The following CREB5 variants were observed in gnomAD, a reference collection of about 807,000 sequenced individuals.
CREB5 encodes the protein cyclic AMP-responsive element-binding protein 5.
CREB5 carries 19 observed loss-of-function variants against 57.1 expected under a neutral mutation model. The observed-to-expected ratio is 0.33, with a 90% confidence interval of 0.23 to 0.49. The LOEUF (loss-of-function observed/expected upper bound fraction) is 0.49. CREB5 is among the 20% of genes least tolerant of loss of function. The pLI, the probability that CREB5 is intolerant of heterozygous loss-of-function variation, is 0.99. For missense variants in CREB5, 579 were observed against 671.6 expected (o/e 0.86, Z 1.52); for synonymous variants, 238 against 238.3 (o/e 1.00, Z 0.01).
At chr7:28,638,621 G>C (rs1798522157) in intron 5 of CREB5, among the ~76,000 whole-genome samples, 1 of 152,040 alleles carries the variant, frequency 6.6e-6, no homozygotes, top group Non-Finnish European at 1.5e-5. Flanking sequence ...TACTAGGACT[G>C]CAGGTGTGTG....
intron 5 of CREB5, among the ~76,000 whole-genome samples, chr7:28,683,494 G>A (rs1055230387): frequency 1.2e-4 from 18 of 152,158 alleles, no homozygotes; most frequent in African/African-American, 2.4e-4. Flanking sequence ...GTTCTGGCAC[G>A]TTGGTGGCTT....
chr7:28,563,548 C>T (rs565099003), intron 4 of CREB5, among the ~76,000 whole-genome samples: 40 of 152,212 alleles, frequency 2.6e-4, no homozygotes, highest in South Asian at 8.3e-4. Flanking sequence ...AACTGCGAGA[C>T]AGGGTCTCAC....
At chr7:28,778,726 A>G (rs1806801804) in intron 7 of CREB5, among the ~76,000 whole-genome samples, 1 of 152,230 alleles carries the variant, frequency 6.6e-6, no homozygotes, top group African/African-American at 2.4e-5. Context: ...ATTATAATTA[A>G]TTAATAGGAT....
intron 1 of CREB5, among the ~76,000 whole-genome samples, chr7:28,478,116 GACAA>G (rs1791158181): frequency 2.0e-5 from 3 of 152,040 alleles, no homozygotes; most frequent in Non-Finnish European, 2.9e-5. Flanking sequence ...AAAACAAACA[GACAA>G]ACAAACAAAC....
chr7:28,314,313 TC>T (rs761878653), intron 1 of CREB5, among the ~76,000 whole-genome samples: 2 of 152,178 alleles, frequency 1.3e-5, no homozygotes, highest in African/African-American at 2.4e-5. Flanking sequence ...CCTCCTACAT[TC>T]AAAGGCTGGA....
At chr7:28,401,050 A>T (rs546211663) in intron 1 of CREB5, among the ~76,000 whole-genome samples, 1 of 152,324 alleles carries the variant, frequency 6.6e-6, no homozygotes, top group Admixed American at 6.5e-5. Context: ...CGGCACTATT[A>T]TTCTGGGTCA....
intron 4 of CREB5, among the ~76,000 whole-genome samples, chr7:28,560,951 C>CGTGCGTGTGCGT (rs1795208911): frequency 2.6e-5 from 1 of 38,950 alleles, no homozygotes; most frequent in Non-Finnish European, 5.2e-5. Context: ...CGTGTGTGTG[C>CGTGCGTGTGCGT]GTGTGTGTGC....
chr7:28,439,501 A>G (rs548659928), intron 1 of CREB5, among the ~76,000 whole-genome samples: 1 of 152,314 alleles, frequency 6.6e-6, no homozygotes, highest in South Asian at 2.1e-4. Flanking sequence ...CTTATTATGT[A>G]CTAGGCATTC....
rs539429441 is a variant in CREB5 at position 28,642,085 on chromosome 7, C to T, written c.464+71548C>T. On this transcript the variant is annotated intron_variant, in intron 5 of 10. Transcript: ENST00000357727. ...ATCCAACCCAGCAATTGTGCTGGAA[C>T]CCCGTATTAGAGTCTCATTGTTCTT... Among the ~76,000 whole-genome samples the T allele has an allele frequency of 1.4e-4, 21 of 152,294 alleles. No individual in the cohort carries two copies. In the East Asian group the frequency reaches 4.0e-3, roughly 29 times the overall value.
chr7:28,699,201 A>G (rs147514833), intron 5 of CREB5, among the ~76,000 whole-genome samples: 1 of 151,438 alleles, frequency 6.6e-6, no homozygotes, highest in African/African-American at 2.4e-5. Context: ...CATTTGAAAG[A>G]AAGGGCGTAT....
chr7:28,480,680 C>T (rs1242348849), intron 1 of CREB5, among the ~76,000 whole-genome samples: 1 of 152,178 alleles, frequency 6.6e-6, no homozygotes, highest in African/African-American at 2.4e-5. Context: ...ATTTTGTTAA[C>T]CACACACATG....
chr7:28,501,856 T>A (rs889027581), intron 3 of CREB5, among the ~76,000 whole-genome samples: 2 of 152,202 alleles, frequency 1.3e-5, no homozygotes, highest in Non-Finnish European at 2.9e-5. Flanking sequence ...TTGGAGCTAG[T>A]TGAGCATGCG....
intron 4 of CREB5, among the ~76,000 whole-genome samples, chr7:28,515,916 A>ATC (rs1295726192): frequency 1.3e-5 from 2 of 151,938 alleles, no homozygotes; most frequent in East Asian, 3.9e-4. Flanking sequence ...AAAAATATAT[A>ATC]TATATATGAC....
chr7:28,449,763 C>T (rs868822934), intron 1 of CREB5, among the ~76,000 whole-genome samples: 9 of 152,170 alleles, frequency 5.9e-5, no homozygotes, highest in Admixed American at 2.0e-4. Flanking sequence ...ATATTCCTAA[C>T]GTCAATGTCG....
chr7:28,737,560 TATATATATATATATATATA>T (rs1562606532), intron 7 of CREB5, among the ~76,000 whole-genome samples: 4 of 107,490 alleles, frequency 3.7e-5, no homozygotes, highest in African/African-American at 1.2e-4. Flanking sequence ...TATATATATA[TATATATATATATATATATA>T]TATATATATT....
chr7:28,821,165 G>A lies in CREB5; in HGVS notation c.*1886G>A, dbSNP rs1809747340. On this transcript the variant is annotated 3_prime_UTR_variant, in exon 11 of 11. Coordinates refer to ENST00000357727, the MANE Select transcript of CREB5 (RefSeq NM_182898.4). ...GTGTGTGTGTGTGTGTGTGTTCATG[G>A]GTTTTAAAAGAACAGTATTTTACAA... The A allele has an allele frequency of 7.7e-6, 1 of 130,130 alleles. No individual in the cohort carries two copies. Among genetic ancestry groups the A allele is most frequent in the African/African-American group, 2.9e-5 (1 of 34,744 alleles). The allele number at this position is 130,130 out of a possible 1,614,324, so 8.1% of individuals were successfully genotyped here.
At chr7:28,679,729 A>C (rs1191099419) in intron 5 of CREB5, among the ~76,000 whole-genome samples, 3 of 152,196 alleles carry the variant, frequency 2.0e-5, no homozygotes, top group Non-Finnish European at 4.4e-5. Context: ...TTCTGGACAC[A>C]TGGATTAACC....
intron 5 of CREB5, among the ~76,000 whole-genome samples, chr7:28,610,937 G>A (rs1264501024): frequency 6.6e-6 from 1 of 150,988 alleles, no homozygotes; most frequent in East Asian, 2.0e-4. Flanking sequence ...TTTATGTATG[G>A]CTGTCTGTGG....
Position 28,693,430 on chromosome 7 carries a change from A to C in CREB5, c.465-25323A>C, listed in dbSNP as rs561857428. Among the ~76,000 whole-genome samples the C allele has an allele frequency of 1.8e-3, 279 of 152,346 alleles. 1 individual carries two copies. The highest frequency in any genetic ancestry group is 1.6e-3 in the Non-Finnish European group (107 of 68,024). On this transcript the variant is annotated intron_variant, in intron 5 of 10. Transcript: ENST00000357727. Reference sequence around the variant, plus strand: ...GGCTGCACCCATGTGCTGACACGGCAGACAGTCCAGCTGGCCCTCTTGCAG... The same window carrying C: ...GGCTGCACCCATGTGCTGACACGGCCGACAGTCCAGCTGGCCCTCTTGCAG...
Sources: gnomAD v4.1 joint callset for allele counts (sites outside exome capture counted in the v4.1 genomes callset) on GRCh38, gnomAD v4.1.1 for gene constraint, MANE v1.5 for transcripts, NCBI Gene and HGNC (gene_info 2026-07-23, HGNC 2026-07-21) for gene names.